The following CASK variants were observed in gnomAD, a reference collection of about 807,000 sequenced individuals.
The protein encoded by CASK is calcium/calmodulin dependent serine protein kinase.
In CASK, 4 loss-of-function variants were observed where a neutral mutation model predicts 82.9. The observed-to-expected ratio is 0.05, with a 90% CI of 0.02 to 0.11. The LOEUF is 0.11. Ranked by LOEUF, CASK falls within the 10% of genes least tolerant of loss-of-function variation. The pLI, the probability that CASK is intolerant of heterozygous loss-of-function variation, is 1.00. For missense variants in CASK, 358 were observed against 720.9 expected (o/e 0.50, Z 5.76); for synonymous variants, 259 against 253.5 (o/e 1.02, Z -0.20).
chrX:41,543,602 T>C (rs893556088), intron 21 of CASK, among the ~76,000 whole-genome samples: 1 of 111,931 alleles, frequency 8.9e-6, no homozygotes, highest in Non-Finnish European at 1.9e-5. Context: ...AAAGATGATA[T>C]TAAAAAGTTG....
intron 2 of CASK, among the ~76,000 whole-genome samples, chrX:41,812,203 A>G (rs1291236705): frequency 8.9e-6 from 1 of 111,940 alleles, no homozygotes; most frequent in East Asian, 2.8e-4. Flanking sequence ...TATTCCAATC[A>G]ATAGAAAAAG....
intron 8 of CASK, 191 bp downstream of exon 8, chrX:41,660,248 A>G: frequency 2.1e-6 from 1 of 468,354 alleles, no homozygotes; most frequent in Non-Finnish European, 3.7e-6. Flanking sequence ...GCTGCATGAC[A>G]CTCAAATGGT....
At chrX:41,902,264 C>A (rs996625213) in intron 1 of CASK, among the ~76,000 whole-genome samples, 1 of 112,176 alleles carries the variant, frequency 8.9e-6, no homozygotes, top group Non-Finnish European at 1.9e-5. Context: ...TGGCTTTAAA[C>A]AACACAAATT....
At chrX:41,579,127 A>G (rs1420795082) in intron 14 of CASK, among the ~76,000 whole-genome samples, 1 of 112,066 alleles carries the variant, frequency 8.9e-6, no homozygotes, top group Non-Finnish European at 1.9e-5. Context: ...AAATAGTGCA[A>G]TAATTGGAGT....
At chrX:41,733,791 C>T (rs905793266) in intron 5 of CASK, among the ~76,000 whole-genome samples, 3 of 110,852 alleles carry the variant, frequency 2.7e-5, no homozygotes, top group Non-Finnish European at 5.7e-5. Flanking sequence ...AGAATAAATA[C>T]GTTTTTGTTT....
chrX:41,579,710 T>C (rs1200484710), intron 14 of CASK, among the ~76,000 whole-genome samples: 1 of 111,893 alleles, frequency 8.9e-6, no homozygotes, highest in African/African-American at 3.2e-5. Context: ...GATAATGAAA[T>C]GCAGTTAAAA....
intron 1 of CASK, among the ~76,000 whole-genome samples, chrX:41,890,004 A>G (rs1455145167): frequency 9.0e-6 from 1 of 111,648 alleles, no homozygotes; most frequent in African/African-American, 3.3e-5. Context: ...AATAAACAAT[A>G]GCTTATTAAC....
chrX:41,571,351 G>A (rs771307754), intron 15 of CASK, among the ~76,000 whole-genome samples: 11 of 111,883 alleles, frequency 9.8e-5, no homozygotes, highest in South Asian at 3.7e-4. Context: ...AGATAGTATA[G>A]GGCAATTCAG....
chrX:41,766,383 G>A, intron 3 of CASK, among the ~76,000 whole-genome samples: 1 of 111,986 alleles, frequency 8.9e-6, no homozygotes, highest in Non-Finnish European at 1.9e-5. Flanking sequence ...AACTTAAAAA[G>A]TTAAAAACTA....
intron 8 of CASK, among the ~76,000 whole-genome samples, chrX:41,648,689 C>T (rs191159369): frequency 6.2e-4 from 69 of 111,749 alleles, no homozygotes; most frequent in Admixed American, 2.7e-3. Flanking sequence ...GGCAAGTCCC[C>T]CGATAGATAT....
At chrX:41,607,588 GATAA>G (rs1401673022) in intron 12 of CASK, among the ~76,000 whole-genome samples, 2 of 112,228 alleles carry the variant, frequency 1.8e-5, no homozygotes, top group Non-Finnish European at 3.8e-5. Context: ...TACTACTTAA[GATAA>G]ATTACACTAA....
intron 6 of CASK, among the ~76,000 whole-genome samples, chrX:41,670,620 C>T (rs1011430296): frequency 7.2e-5 from 8 of 111,117 alleles, no homozygotes; most frequent in African/African-American, 2.0e-4. Flanking sequence ...TGGTGGCACA[C>T]GCCTATGATC....
At chrX:41,795,938 A>T (rs1043933967) in intron 2 of CASK, among the ~76,000 whole-genome samples, 2 of 111,463 alleles carry the variant, frequency 1.8e-5, no homozygotes, top group Admixed American at 9.6e-5. Flanking sequence ...TTTATTTCAT[A>T]TAAGTGACTT....
intron 25 of CASK, chrX:41,524,527 C>G (rs925068641): frequency 7.2e-6 from 1 of 138,666 alleles, no homozygotes; most frequent in Admixed American, 7.9e-5. Context: ...GAAAAGCCCC[C>G]TGGGACTCCT....
At chrX:41,679,511 G>A (rs2067317917) in intron 5 of CASK, among the ~76,000 whole-genome samples, 2 of 112,003 alleles carry the variant, frequency 1.8e-5, no homozygotes. Context: ...CCATTCTCCT[G>A]TTGACAGACA....
intron 2 of CASK, among the ~76,000 whole-genome samples, chrX:41,836,352 T>A (rs1043284063): frequency 1.8e-5 from 2 of 111,730 alleles, no homozygotes; most frequent in African/African-American, 6.5e-5. Flanking sequence ...TAGAAGCTGG[T>A]CTCTAGCAGT....
chrX:41,797,146 GTT>G lies in CASK; in HGVS notation c.173-9865_173-9864del, dbSNP rs5902283. ...TTCTTAGTCAAACAATTTAGCTCTT[GTT>G]TTTTTTTTTTGAAGTCACACATTTA... On this transcript the variant is annotated intron_variant, in intron 2 of 26. Coordinates refer to ENST00000378163, the MANE Select transcript of CASK (RefSeq NM_001367721.1). Among the ~76,000 whole-genome samples the G allele has an allele frequency of 1.3e-3, 129 of 100,451 alleles. 1 individual carries two copies. Among genetic ancestry groups the G allele is most frequent in the Non-Finnish European group, 7.2e-4 (36 of 49,878 alleles). 87.2% of individuals were successfully genotyped at this position (100,451 alleles called of 115,157 possible).
chrX:41,573,479 C>T (rs180761049), intron 15 of CASK, among the ~76,000 whole-genome samples: 16 of 110,987 alleles, frequency 1.4e-4, no homozygotes, highest in East Asian at 1.1e-3. Flanking sequence ...AGTTGTCCCA[C>T]GGCTCAGTGA....
chrX:41,912,651 C>T (rs1371424343), intron 1 of CASK, among the ~76,000 whole-genome samples: 2 of 107,047 alleles, frequency 1.9e-5, no homozygotes, highest in Non-Finnish European at 3.8e-5. Context: ...CAATATATTT[C>T]TTAGGCTGGG....
Sources: allele counts gnomAD v4.1 joint callset (sites outside exome capture counted in the v4.1 genomes callset), GRCh38; gene constraint gnomAD v4.1.1; transcripts MANE v1.5; gene names NCBI Gene and HGNC (gene_info 2026-07-23, HGNC 2026-07-21).